EXOC4: variants seen among roughly 807,000 people sequenced by gnomAD.
The protein encoded by EXOC4 is exocyst complex component 4.
Under a neutral mutation model 107.2 loss-of-function variants are expected in EXOC4, and 71 were observed. That is an observed-to-expected ratio of 0.66 (90% CI 0.55 to 0.81). The LOEUF is 0.81. Among genes scored for constraint, EXOC4 ranks in the 30% least tolerant of loss-of-function variants. The probability of loss-of-function intolerance (pLI) is 0.00; values close to 1 mark genes in which losing one functional copy is unlikely to be tolerated. For synonymous variants in EXOC4, 456 were observed against 441.2 expected (o/e 1.03, Z -0.42); for missense variants, 1,108 against 1,189.6 (o/e 0.93, Z 1.01).
chr7:133,581,107 C>T (rs1390127662), intron 9 of EXOC4, among the ~76,000 whole-genome samples: 2 of 152,148 alleles, frequency 1.3e-5, no homozygotes. Context: ...CCTATGTTTC[C>T]TGCTGCTTTT....
chr7:133,986,641 G>A (rs192353994), intron 14 of EXOC4, among the ~76,000 whole-genome samples: 17 of 152,262 alleles, frequency 1.1e-4, no homozygotes, highest in Non-Finnish European at 2.2e-4. Context: ...TCCAAAAACC[G>A]GTAGGCTTCA....
intron 10 of EXOC4, among the ~76,000 whole-genome samples, chr7:133,710,170 A>T (rs1794855288): frequency 6.6e-6 from 1 of 152,096 alleles, no homozygotes; most frequent in South Asian, 2.1e-4. Context: ...AGCAATGGTG[A>T]TAGTCTGGGC....
At chr7:133,543,220 G>A (rs1469437460) in intron 9 of EXOC4, among the ~76,000 whole-genome samples, 1 of 151,952 alleles carries the variant, frequency 6.6e-6, no homozygotes, top group Non-Finnish European at 1.5e-5. Flanking sequence ...TAAGTTGAGT[G>A]TCCTGACATA....
At chr7:133,630,468 T>TA (rs1470241508) in intron 10 of EXOC4, among the ~76,000 whole-genome samples, 1 of 152,070 alleles carries the variant, frequency 6.6e-6, no homozygotes, top group Non-Finnish European at 1.5e-5. Context: ...ACTGGAGAAA[T>TA]CTACTCTGCA....
In EXOC4 at chr7:133,922,643, C is replaced by T. The variant is rs1048633673; in HGVS notation, c.2027+4905C>T. Among the ~76,000 whole-genome samples the T allele has an allele frequency of 3.3e-5, 5 of 152,018 alleles. No individual in the cohort carries two copies. In the South Asian group the frequency reaches 6.2e-4, roughly 19 times the overall value. On this transcript the variant is annotated intron_variant, in intron 13 of 17. Coordinates refer to ENST00000253861, the MANE Select transcript of EXOC4 (RefSeq NM_021807.4). ...CGGGTGGATCACGAGGTCAGGAGAT[C>T]GAGACCATCTTGCCTAACACGGTGA... is the stretch of plus-strand genomic sequence containing the variant.
chr7:134,019,251 A>G (rs1049869042), intron 17 of EXOC4, among the ~76,000 whole-genome samples: 2 of 152,194 alleles, frequency 1.3e-5, no homozygotes, highest in Middle Eastern at 3.2e-3. Flanking sequence ...TTTAGAGAGC[A>G]TCTGTAGCTA....
At chr7:133,591,873 T>C (rs1328938833) in intron 9 of EXOC4, among the ~76,000 whole-genome samples, 2 of 152,172 alleles carry the variant, frequency 1.3e-5, no homozygotes, top group African/African-American at 4.8e-5. Flanking sequence ...TACAGGTAGA[T>C]ACACATGGAG....
intron 7 of EXOC4, among the ~76,000 whole-genome samples, chr7:133,402,194 C>A (rs1797105535): frequency 6.6e-6 from 1 of 152,130 alleles, no homozygotes; most frequent in South Asian, 2.1e-4. Context: ...CCTAAGTATT[C>A]AGGTGTATAG....
intron 9 of EXOC4, among the ~76,000 whole-genome samples, chr7:133,617,860 G>A (rs560824006): frequency 6.6e-6 from 1 of 152,172 alleles, no homozygotes; most frequent in Non-Finnish European, 1.5e-5. Context: ...ATGAGTTCCA[G>A]GTTGGTAGTG....
rs373586832 is a variant in EXOC4, at chr7:133,299,581, A to G, written c.472-6296A>G. Among the ~76,000 whole-genome samples, 6 of 152,342 alleles carry G rather than the reference A, an allele frequency of 3.9e-5. No individual in the cohort carries two copies. The East Asian group carries it at 5.8e-4, about 15-fold the overall frequency. On this transcript the variant is annotated intron_variant, in intron 3 of 17. Coordinates refer to ENST00000253861, the MANE Select transcript of EXOC4 (RefSeq NM_021807.4). ...TTAGAACAAGTCCGCATTTCATGGT[A>G]GTAATAGGGTGAAATCTTTCATGAA... is the stretch of plus-strand genomic sequence containing the variant.
chr7:133,559,721 T>TCCTTTGTCTTCATTTCTCATTTCTTTTTC (rs1229354266), intron 9 of EXOC4, among the ~76,000 whole-genome samples: 1 of 152,192 alleles, frequency 6.6e-6, no homozygotes, highest in African/African-American at 2.4e-5. Context: ...CTTTCTTTTT[T>TCCTTTGTCTTCATTTCTCATTTCTTTTTC]CCTTTGTCTT....
chr7:133,259,564 T>G (rs1795095930), intron 1 of EXOC4, among the ~76,000 whole-genome samples: 1 of 152,046 alleles, frequency 6.6e-6, no homozygotes, highest in African/African-American at 2.4e-5. Flanking sequence ...CCACTATTAA[T>G]ACTTTTGCTT....
At chr7:133,956,515 G>A (rs1189062231) in intron 14 of EXOC4, among the ~76,000 whole-genome samples, 8 of 152,186 alleles carry the variant, frequency 5.3e-5, no homozygotes, top group Non-Finnish European at 1.0e-4. Flanking sequence ...TCAGTGAGTT[G>A]ACTGAGCAGC....
chr7:133,677,262 A>C (rs1450728153), intron 10 of EXOC4, among the ~76,000 whole-genome samples: 1 of 152,152 alleles, frequency 6.6e-6, no homozygotes. Flanking sequence ...AACAAATGAC[A>C]AATCCCATGT....
At chr7:133,607,920 G>A (rs922907362) in intron 9 of EXOC4, among the ~76,000 whole-genome samples, 2 of 152,204 alleles carry the variant, frequency 1.3e-5, no homozygotes, top group African/African-American at 4.8e-5. Context: ...ACCAAGTGAA[G>A]GGGTAGTGGG....
intron 6 of EXOC4, among the ~76,000 whole-genome samples, chr7:133,374,367 C>T (rs1796440970): frequency 6.6e-6 from 1 of 151,864 alleles, no homozygotes; most frequent in East Asian, 1.9e-4. Flanking sequence ...GCATAGCTTT[C>T]CATGACTAAA....
intron 10 of EXOC4, among the ~76,000 whole-genome samples, chr7:133,676,742 A>G (rs573359475): frequency 2.6e-5 from 4 of 152,264 alleles, no homozygotes; most frequent in Admixed American, 6.5e-5. Flanking sequence ...TCTATGTGGT[A>G]TCTAACTGTG....
At chr7:133,853,345 A>AACAC (rs59000979) in intron 11 of EXOC4, among the ~76,000 whole-genome samples, 1,394 of 115,492 alleles carry the variant, frequency 0.012, 12 homozygotes, top group Middle Eastern at 0.021. Context: ...CTCTCTCTTT[A>AACAC]ACACACACAC....
intron 10 of EXOC4, among the ~76,000 whole-genome samples, chr7:133,630,943 G>C (rs964310420): frequency 6.6e-6 from 1 of 152,118 alleles, no homozygotes; most frequent in African/African-American, 2.4e-5. Context: ...GGCAATTGTT[G>C]AGTAGATAAA....
Sources: gnomAD v4.1 joint callset for allele counts (sites outside exome capture counted in the v4.1 genomes callset) on GRCh38, gnomAD v4.1.1 for gene constraint, MANE v1.5 for transcripts, NCBI Gene and HGNC (gene_info 2026-07-23, HGNC 2026-07-21) for gene names.